The following ROR2 variants were observed in gnomAD, a reference collection of about 807,000 sequenced individuals.
ROR2 encodes the protein ROR family WNT receptor 2.
A neutral mutation model predicts 74.9 loss-of-function variants in ROR2; 33 were observed. That is an observed-to-expected ratio of 0.44 (90% CI 0.33 to 0.59). ROR2 has a LOEUF of 0.59. ROR2 is among the 20% of genes least tolerant of loss of function. The pLI, the probability that ROR2 is intolerant of heterozygous loss-of-function variation, is 0.02. For missense variants in ROR2, 1,216 were observed against 1,313.8 expected (o/e 0.93, Z 1.15); for synonymous variants, 586 against 558.7 (o/e 1.05, Z -0.69).
chr9:91,912,507 T>A (rs1421978600), intron 1 of ROR2, among the ~76,000 whole-genome samples: 2 of 152,172 alleles, frequency 1.3e-5, no homozygotes, highest in Non-Finnish European at 2.9e-5. Context: ...TACTACTATG[T>A]ATCAATAAAA....
chr9:91,819,348 C>A (rs1014638935), intron 1 of ROR2, among the ~76,000 whole-genome samples: 1 of 152,184 alleles, frequency 6.6e-6, no homozygotes, highest in African/African-American at 2.4e-5. Flanking sequence ...GGGCTACAGG[C>A]AAGGCTGTTC....
intron 1 of ROR2, among the ~76,000 whole-genome samples, chr9:91,928,868 C>T (rs1369968524): frequency 6.6e-6 from 1 of 152,246 alleles, no homozygotes; most frequent in African/African-American, 2.4e-5. Flanking sequence ...CTTTCCTCAT[C>T]TACATCACTA....
chr9:91,895,035 G>T (rs1478671948), intron 1 of ROR2, among the ~76,000 whole-genome samples: 1 of 152,178 alleles, frequency 6.6e-6, no homozygotes, highest in African/African-American at 2.4e-5. Flanking sequence ...CCTTCAGCAG[G>T]TAAGAGGGTA....
chr9:91,904,538 G>C (rs944650074), intron 1 of ROR2, among the ~76,000 whole-genome samples: 2 of 152,238 alleles, frequency 1.3e-5, no homozygotes, highest in African/African-American at 4.8e-5. Flanking sequence ...AGACCAGGCA[G>C]AGGGTGGCCC....
chr9:91,840,955 T>C (rs1319086403), intron 1 of ROR2, among the ~76,000 whole-genome samples: 2 of 152,262 alleles, frequency 1.3e-5, no homozygotes, highest in African/African-American at 2.4e-5. Context: ...TATGCATTAA[T>C]GGCATGATTT....
At chr9:91,946,017 C>A (rs1258755181) in intron 1 of ROR2, among the ~76,000 whole-genome samples, 1 of 152,160 alleles carries the variant, frequency 6.6e-6, no homozygotes, top group Admixed American at 6.5e-5. Flanking sequence ...CCCACACTAC[C>A]CACTGAAAGC....
chr9:91,933,117 C>T (rs1252360288), intron 1 of ROR2, among the ~76,000 whole-genome samples: 2 of 152,134 alleles, frequency 1.3e-5, no homozygotes, highest in African/African-American at 2.4e-5. Flanking sequence ...TCGAGACTAT[C>T]CTGACTAACA....
intron 1 of ROR2, among the ~76,000 whole-genome samples, chr9:91,939,088 A>C (rs889674187): frequency 2.6e-5 from 4 of 152,096 alleles, no homozygotes; most frequent in Admixed American, 2.6e-4. Flanking sequence ...GTCTCTACTA[A>C]AAATACAAAA....
chr9:91,860,254 A>G (rs73517062), intron 1 of ROR2, among the ~76,000 whole-genome samples: 13,152 of 152,168 alleles, frequency 0.086, 719 homozygotes, highest in African/African-American at 0.15. Context: ...CTTAGCAGAG[A>G]AGCCCTCGGC....
chr9:91,726,443 TG>T (rs1372165785), intron 8 of ROR2, 97 bp downstream of exon 8: 2 of 1,123,158 alleles, frequency 1.8e-6, no homozygotes, highest in African/African-American at 3.1e-5. Flanking sequence ...TTATGTGCTA[TG>T]TATCAAGTAA....
intron 7 of ROR2, 38 bp downstream of exon 7, chr9:91,730,872 C>A (rs200175367): frequency 6.2e-7 from 1 of 1,613,430 alleles, no homozygotes. Flanking sequence ...GTTCACTCAA[C>A]AATCAACACA....
intron 1 of ROR2, among the ~76,000 whole-genome samples, chr9:91,933,923 A>C (rs1469626805): frequency 2.6e-5 from 4 of 152,200 alleles, no homozygotes; most frequent in Non-Finnish European, 4.4e-5. Flanking sequence ...GATGGTAGTA[A>C]TGGTCAAGTA....
chr9:91,936,094 C>T (rs999587378), intron 1 of ROR2, among the ~76,000 whole-genome samples: 1 of 152,240 alleles, frequency 6.6e-6, no homozygotes, highest in African/African-American at 2.4e-5. Context: ...CACCACTACC[C>T]CACTTCCCGA....
At chr9:91,920,531 T>C (rs574193583) in intron 1 of ROR2, among the ~76,000 whole-genome samples, 1 of 152,196 alleles carries the variant, frequency 6.6e-6, no homozygotes, top group South Asian at 2.1e-4. Flanking sequence ...AAGTACACAA[T>C]GCTTTACCCT....
At chr9:91,831,998 TG>T (rs774358942) in intron 1 of ROR2, among the ~76,000 whole-genome samples, 7 of 152,136 alleles carry the variant, frequency 4.6e-5, no homozygotes, top group Non-Finnish European at 8.8e-5. Context: ...TCCTTCAGGC[TG>T]GGCCACACAT....
intron 1 of ROR2, among the ~76,000 whole-genome samples, chr9:91,840,940 G>A (rs1281480718): frequency 6.6e-6 from 1 of 152,184 alleles, no homozygotes; most frequent in African/African-American, 2.4e-5. Flanking sequence ...TGTGGTCATG[G>A]GCTGTATGCA....
intron 1 of ROR2, among the ~76,000 whole-genome samples, chr9:91,778,512 T>A (rs939449599): frequency 2.6e-5 from 4 of 152,208 alleles, no homozygotes; most frequent in African/African-American, 9.7e-5. Context: ...GTCCCTGTCC[T>A]CGTTAGTTGC....
At chr9:91,928,630 T>C (rs1831471115) in intron 1 of ROR2, among the ~76,000 whole-genome samples, 1 of 152,212 alleles carries the variant, frequency 6.6e-6, no homozygotes, top group South Asian at 2.1e-4. Flanking sequence ...CAAGGCATGC[T>C]GCTTCTCTCT....
chr9:91,759,713 G>A (rs1825856539), intron 2 of ROR2, among the ~76,000 whole-genome samples: 1 of 152,166 alleles, frequency 6.6e-6, no homozygotes, highest in Admixed American at 6.5e-5. Context: ...GCATTGAAAA[G>A]AATATTGCTA....
Sources: gnomAD v4.1 joint callset for allele counts (sites outside exome capture counted in the v4.1 genomes callset) on GRCh38, gnomAD v4.1.1 for gene constraint, MANE v1.5 for transcripts, NCBI Gene and HGNC (gene_info 2026-07-23, HGNC 2026-07-21) for gene names.